The following LPAR1 variants were observed in gnomAD, a reference collection of about 807,000 sequenced individuals.
LPAR1 encodes LPA receptor 1.
A neutral mutation model predicts 23.8 loss-of-function variants in LPAR1; 5 were observed. The ratio of observed to expected loss-of-function variants is 0.21; its 90% CI spans 0.11 to 0.44. The LOEUF (loss-of-function observed/expected upper bound fraction) is 0.44, where lower values mean the gene tolerates loss of function less well. Among genes scored for constraint, LPAR1 ranks in the 20% least tolerant of loss-of-function variants. The pLI is 0.99. For missense variants in LPAR1, 311 were observed against 482.8 expected (o/e 0.64, Z 3.33); for synonymous variants, 160 against 164.7 (o/e 0.97, Z 0.22).
At chr9:110,931,759 C>G (rs577808191) in intron 5 of LPAR1, among the ~76,000 whole-genome samples, 59 of 125,912 alleles carry the variant, frequency 4.7e-4, no homozygotes, top group Admixed American at 9.2e-4. Flanking sequence ...GTTTTCCCAG[C>G]ACCATTTATT....
At chr9:110,930,306 G>A (rs2094324497) in intron 5 of LPAR1, among the ~76,000 whole-genome samples, 4 of 151,922 alleles carry the variant, frequency 2.6e-5, no homozygotes, top group Admixed American at 2.6e-4. Context: ...ACCTGAGATT[G>A]AGAGTTCGAT....
At chr9:111,032,728 G>GAC (rs1316579637) in intron 2 of LPAR1, among the ~76,000 whole-genome samples, 1 of 152,174 alleles carries the variant, frequency 6.6e-6, no homozygotes, top group Non-Finnish European at 1.5e-5. Flanking sequence ...GCATTGTTTA[G>GAC]ACACATAAGT....
rs144309739 is a variant in LPAR1, at chr9:110,942,097, C to T, written c.117G>A (p.Lys39=). 1.4e-4 allele frequency: 224 copies of T among 1,614,092 alleles called. No homozygotes were observed. In the African/African-American group the frequency reaches 1.9e-3, roughly 14 times the overall value. ...CTGTGTTCCATTCTGTGGCAAGATG[C>T]TTTCCACTTCGGTTATAAAAGAAGG... The part of the protein sequence containing the change: ...SIAFFYNRSG[K]HLATEWNTVS... Residue 39 remains lysine (K), a synonymous_variant, in exon 5 of 6, where the codon AAG becomes AAA. Transcript: ENST00000683809.
intron 5 of LPAR1, among the ~76,000 whole-genome samples, chr9:110,939,141 C>A (rs1274951668): frequency 1.3e-5 from 2 of 152,184 alleles, no homozygotes. Context: ...TCCCATGTAA[C>A]CGTGCCTATC....
chr9:110,898,920 A>G (rs2087548063), intron 5 of LPAR1, among the ~76,000 whole-genome samples: 1 of 152,242 alleles, frequency 6.6e-6, no homozygotes, highest in African/African-American at 2.4e-5. Flanking sequence ...AAAGAAAAAA[A>G]ATGAGATAAT....
chr9:110,877,982 C>CT (rs1326997474), intron 5 of LPAR1, among the ~76,000 whole-genome samples: 1 of 152,150 alleles, frequency 6.6e-6, no homozygotes, highest in African/African-American at 2.4e-5. Flanking sequence ...ATAAGCCTTA[C>CT]TTTTAGACCA....
At chr9:111,003,307 G>A (rs1488278174) in intron 2 of LPAR1, among the ~76,000 whole-genome samples, 1 of 152,048 alleles carries the variant, frequency 6.6e-6, no homozygotes, top group Non-Finnish European at 1.5e-5. Flanking sequence ...TATCCCTGGA[G>A]TTTAGTAGGC....
At chr9:111,003,565 G>A (rs2140259691) in intron 2 of LPAR1, among the ~76,000 whole-genome samples, 1 of 152,296 alleles carries the variant, frequency 6.6e-6, no homozygotes, top group African/African-American at 2.4e-5. Flanking sequence ...TTCTTATTTG[G>A]AAGGAAAATC....
chr9:110,951,082 T>G (rs1012790214), intron 4 of LPAR1, among the ~76,000 whole-genome samples: 4 of 152,222 alleles, frequency 2.6e-5, no homozygotes, highest in Admixed American at 6.5e-5. Flanking sequence ...ATATGAGAGA[T>G]ATGATTTTAC....
rs1439694346 is a variant in LPAR1 at position 110,993,683 on chromosome 9, T to C, written c.-181-20125A>G. 1.1e-4 allele frequency among the ~76,000 whole-genome samples: 16 copies of C among 152,170 alleles called. No homozygotes were observed. The East Asian group carries it at 2.9e-3, about 27-fold the overall frequency. On this transcript the variant is annotated intron_variant, in intron 2 of 5. Coordinates refer to ENST00000683809, the MANE Select transcript of LPAR1 (RefSeq NM_001351411.2). ...AGTGAGAAGCCTGGGAATAGTGATA[T>C]CCCAATAACAATGAGCACACCTAAC...
chr9:111,037,896 G>C (rs879902884), intron 1 of LPAR1: 1 of 152,134 alleles, frequency 6.6e-6, no homozygotes, highest in Non-Finnish European at 1.5e-5. Flanking sequence ...TTCCCTCCAG[G>C]GGCTCGGTCC....
Position 110,941,932 on chromosome 9 carries a change from T to C in LPAR1, c.282A>G (p.Ala94=). ...AGTAGGCCAACCCAGCAAAGAAGTC[T>C]GCAGCAGCCAGATTAGCCATTAGGT... The part of the protein sequence containing the change: ...IYYLMANLAA[A]DFFAGLAYFY... The change falls in exon 5 of 6, where the codon GCA becomes GCG. Residue 94 remains alanine, a synonymous_variant. Coordinates refer to ENST00000683809, the MANE Select transcript of LPAR1 (RefSeq NM_001351411.2). This position sits in a 1 kb window ranked among gnomAD's most constrained non-coding sequence, Gnocchi z 6.1. 1 of 1,614,192 alleles carries C rather than the reference T, an allele frequency of 6.2e-7. No individual in the cohort carries two copies. The highest frequency in any genetic ancestry group is 8.5e-7 in the Non-Finnish European group (1 of 1,180,010).
At chr9:111,027,174 G>A (rs2097707041) in intron 2 of LPAR1, among the ~76,000 whole-genome samples, 2 of 151,944 alleles carry the variant, frequency 1.3e-5, no homozygotes, top group South Asian at 4.2e-4. Flanking sequence ...TTTTTGGTTG[G>A]TAGGCTATTA....
At chr9:110,894,666 A>G (rs1327677358) in intron 5 of LPAR1, among the ~76,000 whole-genome samples, 1 of 152,184 alleles carries the variant, frequency 6.6e-6, no homozygotes, top group South Asian at 2.1e-4. Flanking sequence ...GAAGTAACCC[A>G]TCAGCATTTC....
At chr9:111,006,625 C>T (rs1007021963) in intron 2 of LPAR1, among the ~76,000 whole-genome samples, 2 of 152,074 alleles carry the variant, frequency 1.3e-5, no homozygotes, top group African/African-American at 4.8e-5. Context: ...CAAATAGGTA[C>T]ACAGGCAAGC....
At chr9:110,925,375 T>C (rs1330637851) in intron 5 of LPAR1, among the ~76,000 whole-genome samples, 1 of 152,074 alleles carries the variant, frequency 6.6e-6, no homozygotes, top group African/African-American at 2.4e-5. Context: ...TGCTCCCATA[T>C]AGACAATTCA....
Position 110,970,245 on chromosome 9 carries a change from C to T in LPAR1, c.45+1828G>A, listed in dbSNP as rs1449989991. ...GGAAATGCCCTGTCTAGAAAACCCG[C>T]ACTAGCCTAACTCACTTCACGAAAG... On this transcript the variant is annotated intron_variant, in intron 4 of 5. Coordinates refer to ENST00000683809, the MANE Select transcript of LPAR1 (RefSeq NM_001351411.2). 7.1e-4 allele frequency among the ~76,000 whole-genome samples: 108 copies of T among 152,166 alleles called. 1 individual carries two copies. The highest frequency in any genetic ancestry group is 2.9e-5 in the Non-Finnish European group (2 of 68,028).
intron 4 of LPAR1, among the ~76,000 whole-genome samples, chr9:110,967,536 G>C (rs2096265495): frequency 6.6e-6 from 1 of 152,180 alleles, no homozygotes; most frequent in Admixed American, 6.5e-5. Flanking sequence ...TTTGGCCTTA[G>C]AAAAGGATTT....
chr9:111,009,979 C>A (rs2097296519), intron 2 of LPAR1, among the ~76,000 whole-genome samples: 1 of 131,586 alleles, frequency 7.6e-6, no homozygotes, highest in South Asian at 2.5e-4. Flanking sequence ...ATTTTCATTT[C>A]TCATTTCATA....
Sources: gnomAD v4.1 joint callset for allele counts (sites outside exome capture counted in the v4.1 genomes callset) on GRCh38, gnomAD v4.1.1 for gene constraint, Gnocchi (gnomAD v3.1) non-coding constraint, MANE v1.5 for transcripts, NCBI Gene and HGNC (gene_info 2026-07-23, HGNC 2026-07-21) for gene names.